Variants in NRXN1 observed in about 807,000 individuals in gnomAD.
NRXN1 encodes neurexin 1, also known as neurexin-1.
A neutral mutation model predicts 150.9 loss-of-function variants in NRXN1; 39 were observed. The observed-to-expected ratio is 0.26, with a 90% CI of 0.20 to 0.34. The LOEUF is 0.34. Among genes scored for constraint, NRXN1 ranks in the 10% least tolerant of loss-of-function variants. NRXN1 has a pLI of 1.00. For missense variants in NRXN1, 1,815 were observed against 1,949.9 expected (o/e 0.93, Z 1.30); for synonymous variants, 924 against 757.0 (o/e 1.22, Z -3.62).
chr2:50,005,600 T>C (rs1392780957), intron 21 of NRXN1, among the ~76,000 whole-genome samples: 1 of 152,136 alleles, frequency 6.6e-6, no homozygotes, highest in Non-Finnish European at 1.5e-5. Context: ...TTCTCATTAC[T>C]ACTAAAAACA....
intron 5 of NRXN1, among the ~76,000 whole-genome samples, chr2:50,747,721 T>C (rs1048428438): frequency 2.0e-5 from 3 of 152,140 alleles, no homozygotes; most frequent in Non-Finnish European, 4.4e-5. Context: ...ATGAGTAATA[T>C]GAGTAATAAT....
chr2:50,432,066 G>A (rs891271022), intron 17 of NRXN1, among the ~76,000 whole-genome samples: 1 of 152,138 alleles, frequency 6.6e-6, no homozygotes, highest in Non-Finnish European at 1.5e-5. Context: ...AGTATTGCTC[G>A]ATGTTAGCTA....
At chr2:50,365,890 T>G (rs144473426) in intron 17 of NRXN1, among the ~76,000 whole-genome samples, 10 of 152,152 alleles carry the variant, frequency 6.6e-5, no homozygotes, top group Non-Finnish European at 1.5e-4. Flanking sequence ...CACTACAAAT[T>G]CTTTGCAAAA....
chr2:50,870,792 A>G (rs1677663692), intron 5 of NRXN1, among the ~76,000 whole-genome samples: 2 of 151,976 alleles, frequency 1.3e-5, no homozygotes, highest in Admixed American at 6.6e-5. Context: ...TGTCGTTTGC[A>G]AAAGACCATA....
At chr2:50,222,316 T>A (rs745533786) in intron 18 of NRXN1, among the ~76,000 whole-genome samples, 1 of 152,010 alleles carries the variant, frequency 6.6e-6, no homozygotes, top group Non-Finnish European at 1.5e-5. Flanking sequence ...CTAGTGTAAT[T>A]ATTAAAATGC....
intron 22 of NRXN1, among the ~76,000 whole-genome samples, chr2:49,939,729 A>G (rs1015161547): frequency 5.3e-5 from 8 of 152,160 alleles, no homozygotes. Context: ...GAATTGGGGG[A>G]AAAAGCCACC....
intron 5 of NRXN1, among the ~76,000 whole-genome samples, chr2:50,911,050 A>G (rs562019476): frequency 6.6e-6 from 1 of 152,170 alleles, no homozygotes; most frequent in East Asian, 1.9e-4. Context: ...TGGCACTTTC[A>G]AATACTATCA....
At chr2:50,383,775 C>A (rs2081132835) in intron 17 of NRXN1, among the ~76,000 whole-genome samples, 1 of 152,042 alleles carries the variant, frequency 6.6e-6, no homozygotes, top group African/African-American at 2.4e-5. Flanking sequence ...CGGAATGATC[C>A]CTTACAGATT....
chr2:50,305,135 T>G (rs1032599612), intron 17 of NRXN1, among the ~76,000 whole-genome samples: 1 of 152,124 alleles, frequency 6.6e-6, no homozygotes, highest in Non-Finnish European at 1.5e-5. Flanking sequence ...TTTATTAACT[T>G]GGTAAAATTA....
intron 5 of NRXN1, among the ~76,000 whole-genome samples, chr2:50,656,641 T>C (rs1686510125): frequency 6.6e-6 from 1 of 151,984 alleles, no homozygotes; most frequent in Non-Finnish European, 1.5e-5. Context: ...TGTACCACCC[T>C]CATCACCACC....
intron 5 of NRXN1, among the ~76,000 whole-genome samples, chr2:50,866,839 G>A (rs939904342): frequency 8.6e-5 from 13 of 151,798 alleles, no homozygotes; most frequent in African/African-American, 3.1e-4. Context: ...ACAAAAACTG[G>A]GTTATAATTC....
chr2:50,069,133 G>C (rs1695818564), intron 19 of NRXN1, among the ~76,000 whole-genome samples: 1 of 152,186 alleles, frequency 6.6e-6, no homozygotes, highest in South Asian at 2.1e-4. Context: ...CCCAGAATAA[G>C]AATACTTTGG....
At chr2:50,114,178 A>G (rs1702730875) in intron 18 of NRXN1, among the ~76,000 whole-genome samples, 1 of 152,224 alleles carries the variant, frequency 6.6e-6, no homozygotes, top group South Asian at 2.1e-4. Flanking sequence ...CAAAAAGAAA[A>G]CAAGATAGAT....
chr2:50,040,347 C>T (rs1319783268), intron 21 of NRXN1, among the ~76,000 whole-genome samples: 1 of 150,326 alleles, frequency 6.7e-6, no homozygotes, highest in African/African-American at 2.4e-5. Context: ...ATAGTTTTAT[C>T]TAATATATAT....
At chr2:49,945,015 G>C (rs564271157) in intron 21 of NRXN1, 36 of 152,200 alleles carry the variant, frequency 2.4e-4, no homozygotes, top group African/African-American at 8.7e-4. Context: ...TTTATAGAAA[G>C]TATTAGGCTT....
At chr2:50,587,043 G>A (rs922309487) in intron 8 of NRXN1, among the ~76,000 whole-genome samples, 1 of 118,876 alleles carries the variant, frequency 8.4e-6, no homozygotes, top group Admixed American at 9.0e-5. Flanking sequence ...CAAATCCTGA[G>A]TTCCAATGCA....
chr2:50,890,337 G>T (rs1680864407), intron 5 of NRXN1, among the ~76,000 whole-genome samples: 1 of 151,672 alleles, frequency 6.6e-6, no homozygotes, highest in African/African-American at 2.4e-5. Context: ...CATTAACACT[G>T]CCCTTTAAAA....
At chr2:50,127,348 A>G (rs1253627750) in intron 18 of NRXN1, among the ~76,000 whole-genome samples, 2 of 152,198 alleles carry the variant, frequency 1.3e-5, no homozygotes, top group African/African-American at 4.8e-5. Flanking sequence ...ATTAGTACAT[A>G]AATCATATAT....
At chr2:50,627,897 T>C (rs1001554431) in intron 5 of NRXN1, among the ~76,000 whole-genome samples, 1 of 151,546 alleles carries the variant, frequency 6.6e-6, no homozygotes, top group Non-Finnish European at 1.5e-5. Context: ...CAGACAGAAG[T>C]GATATATAGC....
Sources: gnomAD v4.1 joint callset for allele counts (sites outside exome capture counted in the v4.1 genomes callset) on GRCh38, gnomAD v4.1.1 for gene constraint, MANE v1.5 for transcripts, NCBI Gene and HGNC (gene_info 2026-07-23, HGNC 2026-07-21) for gene names.